The following SBF2 variants were observed in gnomAD, a reference collection of about 807,000 sequenced individuals.
SBF2 encodes SET binding factor 2, also known as myotubularin-related protein 13.
In SBF2, 112 loss-of-function variants were observed where a neutral mutation model predicts 225.2. The observed-to-expected ratio is 0.50, with a 90% confidence interval of 0.43 to 0.58. SBF2 has a LOEUF of 0.58. Among genes scored for constraint, SBF2 ranks in the 20% least tolerant of loss-of-function variants. The pLI is 0.00. For missense variants in SBF2, 1,996 were observed against 2,206.2 expected, an observed-to-expected ratio of 0.90 and a Z score of 1.91; for synonymous variants, 763 against 773.3, an observed-to-expected ratio of 0.99 and a Z score of 0.22.
chr11:9,856,968 T>C (rs545669971), intron 18 of SBF2, among the ~76,000 whole-genome samples: 86 of 152,132 alleles, frequency 5.7e-4, no homozygotes, highest in African/African-American at 2.0e-3. Context: ...TTTGTATTTT[T>C]AGTAGAGACG....
intron 16 of SBF2, among the ~76,000 whole-genome samples, chr11:9,924,588 C>T (rs945709152): frequency 2.0e-5 from 3 of 152,020 alleles, no homozygotes; most frequent in Admixed American, 6.6e-5. Context: ...TGCACCACCC[C>T]GCCCCGCTAA....
At chr11:9,885,539 A>G (rs1317347754) in intron 17 of SBF2, among the ~76,000 whole-genome samples, 1 of 152,170 alleles carries the variant, frequency 6.6e-6, no homozygotes, top group Non-Finnish European at 1.5e-5. Flanking sequence ...GGGTAGAAAC[A>G]GCAATAATCT....
intron 16 of SBF2, among the ~76,000 whole-genome samples, chr11:9,942,772 A>C (rs1865329701): frequency 6.6e-6 from 1 of 152,040 alleles, no homozygotes; most frequent in Non-Finnish European, 1.5e-5. Flanking sequence ...CAGAGGCTAC[A>C]GTGAGCCATG....
intron 2 of SBF2, among the ~76,000 whole-genome samples, chr11:10,061,100 A>G (rs1008240399): frequency 1.3e-5 from 2 of 152,148 alleles, no homozygotes; most frequent in Non-Finnish European, 2.9e-5. Context: ...AAAGACAAAA[A>G]CCACATAATT....
intron 17 of SBF2, 53 bp downstream of exon 17, chr11:9,895,890 G>T: frequency 7.6e-7 from 1 of 1,309,356 alleles, no homozygotes; most frequent in Non-Finnish European, 1.1e-6. Context: ...AAATCAAACT[G>T]AATACATTTA....
chr11:9,992,467 C>A lies in SBF2; in HGVS notation c.1244G>T (p.Gly415Val), dbSNP rs996602317. Residue 415 changes from glycine to valine, a missense_variant, in exon 12 of 40, where the codon GGT becomes GTT. By Grantham distance (109) the Gly-to-Val change is moderately radical (BLOSUM62 -3). Coordinates refer to ENST00000256190, the MANE Select transcript of SBF2 (RefSeq NM_030962.4). ...AGGAGGACCTCTTTCTGAAACAAAA[C>A]CTGCAAATGCCATTCCACTGAGTAC... ...TKVLSGMAFA[G>V]FVSERGPPYR... is the part of the protein sequence containing the mutation. 33 of 1,613,054 alleles carry A rather than the reference C, an allele frequency of 2.0e-5. No individual in the cohort carries two copies. Among genetic ancestry groups the A allele is most frequent in the African/African-American group, 4.0e-5 (3 of 74,858 alleles).
rs149821367 is a variant in SBF2 at position 9,781,115 on chromosome 11, G to A, written c.5451+392C>T. On this transcript the variant is annotated intron_variant, in intron 39 of 39. Coordinates refer to ENST00000256190, the MANE Select transcript of SBF2 (RefSeq NM_030962.4). The stretch of plus-strand genomic sequence containing the variant: ...CCTAAGGGCTGCTGAAGATGTTAGC[G>A]TAGACACTTATCATGTGTGACTAAG... 3.8e-3 allele frequency among the ~76,000 whole-genome samples: 579 copies of A among 152,366 alleles called. 3 individuals are homozygous for A. Among genetic ancestry groups the A allele is most frequent in the South Asian group, 4.6e-3 (22 of 4,826 alleles).
intron 2 of SBF2, among the ~76,000 whole-genome samples, chr11:10,085,492 A>G (rs889374283): frequency 6.6e-6 from 1 of 152,016 alleles, no homozygotes. Context: ...TCAAGTTTCT[A>G]ATTGGATTCT....
At chr11:10,068,199 A>C (rs373220850) in intron 2 of SBF2, among the ~76,000 whole-genome samples, 4 of 152,352 alleles carry the variant, frequency 2.6e-5, no homozygotes, top group South Asian at 4.1e-4. Context: ...ATTTTACTTT[A>C]CATGTATTTA....
chr11:10,205,214 T>C (rs936158411), intron 1 of SBF2, among the ~76,000 whole-genome samples: 1 of 151,958 alleles, frequency 6.6e-6, no homozygotes, highest in Non-Finnish European at 1.5e-5. Flanking sequence ...TAAATAGTGG[T>C]AATGGTCGCA....
chr11:10,219,951 C>A (rs2135403851), intron 1 of SBF2, among the ~76,000 whole-genome samples: 1 of 152,314 alleles, frequency 6.6e-6, no homozygotes, highest in Admixed American at 6.5e-5. Context: ...CCAACCTCTG[C>A]CTATTACCCA....
intron 2 of SBF2, among the ~76,000 whole-genome samples, chr11:10,170,818 G>GT (rs200583516): frequency 0.014 from 2,008 of 140,468 alleles, 47 homozygotes; most frequent in South Asian, 0.04. Context: ...GTCCTCCTCA[G>GT]TTTTTTTTTC....
At chr11:10,031,403 C>T (rs992159410) in intron 3 of SBF2, among the ~76,000 whole-genome samples, 2 of 152,144 alleles carry the variant, frequency 1.3e-5, no homozygotes, top group Non-Finnish European at 2.9e-5. Context: ...CCTTAAGCTC[C>T]AGACATATAA....
In SBF2 at chr11:9,890,971, G is replaced by A. The variant is rs57233768; in HGVS notation, c.1929+4972C>T. Among the ~76,000 whole-genome samples the A allele has an allele frequency of 7.9e-3, 1,207 of 151,886 alleles. 18 individuals are homozygous for A. The highest frequency in any genetic ancestry group is 0.027 in the African/African-American group (1,124 of 41,436). ...CAACGTGGTGAATCCCCATCTCTAC[G>A]GTAAAAATGCAAAAATTAGCCGGGC... On this transcript the variant is annotated intron_variant, in intron 17 of 39. Transcript: ENST00000256190.
At chr11:10,039,888 T>C (rs927175593) in intron 3 of SBF2, among the ~76,000 whole-genome samples, 2 of 151,750 alleles carry the variant, frequency 1.3e-5, no homozygotes, top group Non-Finnish European at 1.5e-5. Flanking sequence ...GGATAATTTG[T>C]GCATTAAAAT....
intron 2 of SBF2, among the ~76,000 whole-genome samples, chr11:10,146,347 C>T (rs1361125783): frequency 6.6e-6 from 1 of 152,122 alleles, no homozygotes; most frequent in Admixed American, 6.5e-5. Context: ...GTAACCAAAA[C>T]AGCACGGGGC....
At chr11:10,125,103 T>C (rs1387344484) in intron 2 of SBF2, among the ~76,000 whole-genome samples, 8 of 109,318 alleles carry the variant, frequency 7.3e-5, no homozygotes, top group East Asian at 2.4e-4. Flanking sequence ...AGAGAGACTG[T>C]GTCTCAAAAA....
Position 9,833,814 on chromosome 11 carries a change from A to G in SBF2, c.3456-1394T>C, listed in dbSNP as rs1274547309. Among the ~76,000 whole-genome samples, 42 of 138,020 alleles carry G rather than the reference A, an allele frequency of 3.0e-4. No homozygotes were observed. The East Asian group carries it at 6.6e-3, about 22-fold the overall frequency. The allele number at this position is 138,020 out of a possible 152,430, so 90.5% of individuals were successfully genotyped here. A position where few individuals can be genotyped will look rare whatever the true frequency, so the allele number is the denominator to read the frequency against. On this transcript the variant is annotated intron_variant, in intron 26 of 39. Coordinates refer to ENST00000256190, the MANE Select transcript of SBF2 (RefSeq NM_030962.4). ...TTGAGATGGAGTTTCACTGTTGCCC[A>G]GGCTGGAGTGCAATGGCGTGATCTC... is the stretch of plus-strand genomic sequence containing the variant.
chr11:10,169,258 A>G lies in SBF2; in HGVS notation c.141+24644T>C, dbSNP rs113982768. Reference sequence around the variant, plus strand: ...CTGTAGTCACCCTGTTGTGCTATAAAACACTAAATCTTATTCATTCTACCC... The same window carrying G: ...CTGTAGTCACCCTGTTGTGCTATAAGACACTAAATCTTATTCATTCTACCC... On this transcript the variant is annotated intron_variant, in intron 2 of 39. Coordinates refer to ENST00000256190, the MANE Select transcript of SBF2 (RefSeq NM_030962.4). Among the ~76,000 whole-genome samples the G allele has an allele frequency of 1.3e-3, 200 of 152,292 alleles. 1 individual carries two copies. Among genetic ancestry groups the G allele is most frequent in the African/African-American group, 3.9e-3 (164 of 41,570 alleles).
Sources: allele counts gnomAD v4.1 joint callset (sites outside exome capture counted in the v4.1 genomes callset), GRCh38; gene constraint gnomAD v4.1.1; transcripts MANE v1.5; gene names NCBI Gene and HGNC (gene_info 2026-07-23, HGNC 2026-07-21).